The following CHCHD3 variants were observed in gnomAD, a reference collection of about 807,000 sequenced individuals.
CHCHD3 encodes the protein coiled-coil-helix-coiled-coil-helix domain containing 3.
A neutral mutation model predicts 38.2 loss-of-function variants in CHCHD3; 20 were observed. The ratio of observed to expected loss-of-function variants is 0.52; its 90% CI spans 0.37 to 0.76. The LOEUF (loss-of-function observed/expected upper bound fraction) is 0.76, where lower values mean the gene tolerates loss of function less well. CHCHD3 is among the 30% of genes least tolerant of loss of function. The pLI, the probability that CHCHD3 is intolerant of heterozygous loss-of-function variation, is 0.00. For synonymous variants in CHCHD3, 82 were observed against 100.0 expected, an observed-to-expected ratio of 0.82 and a Z score of 1.07; for missense variants, 245 against 279.2, an observed-to-expected ratio of 0.88 and a Z score of 0.87.
intron 5 of CHCHD3, among the ~76,000 whole-genome samples, chr7:132,857,847 G>T (rs1808380924): frequency 6.6e-6 from 1 of 152,176 alleles, no homozygotes; most frequent in South Asian, 2.1e-4. Context: ...TGTGTTGAAA[G>T]AATCGGAGCT....
intron 4 of CHCHD3, among the ~76,000 whole-genome samples, chr7:132,930,055 A>C (rs2117253040): frequency 6.6e-6 from 1 of 152,256 alleles, no homozygotes. Context: ...AAATAAACCT[A>C]AGTGACAGAA....
intron 4 of CHCHD3, chr7:132,972,705 G>C: frequency 1.0e-6 from 1 of 985,410 alleles, no homozygotes; most frequent in Non-Finnish European, 1.2e-6. Flanking sequence ...TCAATCAGCT[G>C]TCATCCTATG....
At chr7:132,903,606 A>C (rs536652977) in intron 4 of CHCHD3, among the ~76,000 whole-genome samples, 27 of 152,266 alleles carry the variant, frequency 1.8e-4, no homozygotes, top group Middle Eastern at 3.4e-3. Flanking sequence ...ACAACAACAA[A>C]AACAACCTCA....
chr7:133,078,674 C>T (rs529319790), intron 1 of CHCHD3, among the ~76,000 whole-genome samples: 2 of 152,332 alleles, frequency 1.3e-5, no homozygotes, highest in East Asian at 3.9e-4. Flanking sequence ...TTCCACACCA[C>T]TGTCAAAAAA....
intron 4 of CHCHD3, among the ~76,000 whole-genome samples, chr7:132,949,382 A>C (rs949864995): frequency 6.6e-6 from 1 of 152,206 alleles, no homozygotes; most frequent in African/African-American, 2.4e-5. Flanking sequence ...TGCCCGGAAC[A>C]AGAAGATACT....
At position 133,035,146 on chromosome 7, in the gene CHCHD3, G is replaced by C. The variant is rs768708169; in HGVS notation, c.170-10519C>G. On this transcript the variant is annotated intron_variant, in intron 2 of 7. Transcript: ENST00000262570. The surrounding 1 kb of genome is among the most constrained non-coding windows in gnomAD (Gnocchi z 4.7). The stretch of plus-strand genomic sequence containing the variant: ...TCACATTCATCCATCTCCTCCTCAG[G>C]AGCAGGGGCAGCCGCCTTTTTCTCC... The C allele has an allele frequency of 1.9e-6, 3 of 1,612,812 alleles. No individual in the cohort carries two copies. In the Admixed American group the frequency reaches 5.0e-5, roughly 27 times the overall value.
rs140167648 is a variant in CHCHD3, at chr7:133,002,755, C to A, written c.251+21791G>T. On this transcript the variant is annotated intron_variant, in intron 3 of 7. Coordinates refer to ENST00000262570, the MANE Select transcript of CHCHD3 (RefSeq NM_017812.4). The stretch of plus-strand genomic sequence containing the variant: ...TTTTTCTTATCAAATATCTATAGAA[C>A]CCTTACTAAAATTGCTCTTCCATTT... Among the ~76,000 whole-genome samples, 150 of 152,170 alleles carry A rather than the reference C, an allele frequency of 9.9e-4. 1 individual carries two copies. In the East Asian group the frequency reaches 0.028, roughly 28 times the overall value.
intron 5 of CHCHD3, among the ~76,000 whole-genome samples, chr7:132,885,243 T>C (rs548811940): frequency 6.6e-6 from 1 of 152,130 alleles, no homozygotes; most frequent in South Asian, 2.1e-4. Context: ...CAGAGTGAGA[T>C]TCCATTTCAA....
Position 133,035,905 on chromosome 7 carries a change from G to A in CHCHD3, c.170-11278C>T. On this transcript the variant is annotated intron_variant, in intron 2 of 7. Transcript: ENST00000262570. This position sits in a 1 kb window ranked among gnomAD's most constrained non-coding sequence, Gnocchi z 4.7. The stretch of plus-strand genomic sequence containing the variant: ...CTCCAGTTTTCAGGATACGTGTACA[G>A]GGTCCCAGCCGCCATGGTGATTCCG... 6.2e-7 allele frequency: 1 copy of A among 1,605,934 alleles called. No homozygotes were observed. The highest frequency in any genetic ancestry group is 8.5e-7 in the Non-Finnish European group (1 of 1,173,798).
chr7:133,035,149 C>T lies in CHCHD3; in HGVS notation c.170-10522G>A, dbSNP rs1813631937. The T allele has an allele frequency of 6.2e-7, 1 of 1,612,834 alleles. No individual in the cohort carries two copies. The highest frequency in any genetic ancestry group is 8.5e-7 in the Non-Finnish European group (1 of 1,179,074). On this transcript the variant is annotated intron_variant, in intron 2 of 7. Coordinates refer to ENST00000262570, the MANE Select transcript of CHCHD3 (RefSeq NM_017812.4). The surrounding 1 kb of genome is among the most constrained non-coding windows in gnomAD (Gnocchi z 4.7). ...CATTCATCCATCTCCTCCTCAGGAG[C>T]AGGGGCAGCCGCCTTTTTCTCCTCC...
intron 4 of CHCHD3, among the ~76,000 whole-genome samples, chr7:132,943,459 A>G (rs1810820236): frequency 6.6e-6 from 1 of 152,162 alleles, no homozygotes; most frequent in African/African-American, 2.4e-5. Context: ...TAGCCAAGAC[A>G]ACTCTAAAGA....
At chr7:132,982,278 T>C (rs545979420) in intron 3 of CHCHD3, among the ~76,000 whole-genome samples, 23 of 152,312 alleles carry the variant, frequency 1.5e-4, no homozygotes, top group African/African-American at 4.8e-4. Flanking sequence ...AACATGAATA[T>C]GGCATCTTAA....
intron 2 of CHCHD3, among the ~76,000 whole-genome samples, chr7:133,066,020 G>C (rs1026183484): frequency 1.3e-5 from 2 of 152,156 alleles, no homozygotes; most frequent in African/African-American, 2.4e-5. Context: ...CCAGATCAGA[G>C]CTATGCAACA....
At position 132,874,871 on chromosome 7, in the gene CHCHD3, C is replaced by T. The variant is rs143534918; in HGVS notation, c.453+10791G>A. ...AATTCAGAGAGAAAGAAAACCCTATCCCAGAGCACCGCACCTTTAGGACCC... is the reference window on the plus strand; with the variant it reads ...AATTCAGAGAGAAAGAAAACCCTATTCCAGAGCACCGCACCTTTAGGACCC... On this transcript the variant is annotated intron_variant, in intron 5 of 7. Transcript: ENST00000262570. Among the ~76,000 whole-genome samples the T allele has an allele frequency of 8.2e-3, 1,245 of 152,228 alleles. 14 individuals carry two copies. Among genetic ancestry groups the T allele is most frequent in the Middle Eastern group, 0.017 (5 of 294 alleles).
intron 7 of CHCHD3, among the ~76,000 whole-genome samples, chr7:132,790,811 G>A (rs1164496734): frequency 6.6e-6 from 1 of 152,168 alleles, no homozygotes; most frequent in Non-Finnish European, 1.5e-5. Flanking sequence ...TAGAACCAAG[G>A]GAGGGTCTGG....
chr7:133,067,248 C>G (rs1341962816), intron 2 of CHCHD3, among the ~76,000 whole-genome samples: 1 of 151,768 alleles, frequency 6.6e-6, no homozygotes, highest in African/African-American at 2.4e-5. Flanking sequence ...GATCATCACG[C>G]TAACTCCGTA....
chr7:132,935,604 A>G (rs10234925), intron 4 of CHCHD3, among the ~76,000 whole-genome samples: 6,313 of 152,236 alleles, frequency 0.041, 273 homozygotes, highest in East Asian at 0.11. Context: ...AATGTTCACA[A>G]TTATACTAAG....
At chr7:133,070,985 A>G (rs1463072631) in intron 1 of CHCHD3, among the ~76,000 whole-genome samples, 1 of 152,174 alleles carries the variant, frequency 6.6e-6, no homozygotes. Context: ...CTGGGTGAGA[A>G]AAATCACATT....
At chr7:132,989,533 T>C (rs1812212788) in intron 3 of CHCHD3, among the ~76,000 whole-genome samples, 2 of 152,232 alleles carry the variant, frequency 1.3e-5, no homozygotes, top group Non-Finnish European at 2.9e-5. Flanking sequence ...TATATTACTT[T>C]ATACCTAAAG....
Sources: allele counts gnomAD v4.1 joint callset (sites outside exome capture counted in the v4.1 genomes callset), GRCh38; gene constraint gnomAD v4.1.1; non-coding constraint Gnocchi (gnomAD v3.1); transcripts MANE v1.5; gene names NCBI Gene and HGNC (gene_info 2026-07-23, HGNC 2026-07-21).